The following FAM76B variants were observed in gnomAD, a reference collection of about 807,000 sequenced individuals.
FAM76B encodes family with sequence similarity 76 member B.
A neutral mutation model predicts 51.8 loss-of-function variants in FAM76B; 16 were observed. The observed-to-expected ratio is 0.31, with a 90% CI of 0.21 to 0.47. The LOEUF is 0.47. Ranked by LOEUF, FAM76B falls within the 20% of genes least tolerant of loss-of-function variation. The pLI is 1.00. For synonymous variants in FAM76B, 166 were observed against 129.5 expected, an observed-to-expected ratio of 1.28 and a Z score of -1.91; for missense variants, 342 against 392.6, an observed-to-expected ratio of 0.87 and a Z score of 1.09.
intron 5 of FAM76B, among the ~76,000 whole-genome samples, chr11:95,781,552 C>CT (rs1860269694): frequency 1.3e-5 from 2 of 152,056 alleles, no homozygotes; most frequent in African/African-American, 4.8e-5. Context: ...CAAACATAAT[C>CT]TGATTGTGTC....
At chr11:95,785,741 C>A (rs1860535685) in intron 4 of FAM76B, among the ~76,000 whole-genome samples, 1 of 152,142 alleles carries the variant, frequency 6.6e-6, no homozygotes, top group Admixed American at 6.5e-5. Context: ...GAGCCTTTAT[C>A]AAAAGGCACA....
chr11:95,782,722 C>T (rs936567714), intron 5 of FAM76B, among the ~76,000 whole-genome samples: 1 of 152,008 alleles, frequency 6.6e-6, no homozygotes, highest in African/African-American at 2.4e-5. Context: ...TATAATTTTT[C>T]AAATAAAACC....
At chr11:95,779,356 T>A (rs942180164) in intron 7 of FAM76B, 4 of 523,910 alleles carry the variant, frequency 7.6e-6, no homozygotes, top group Non-Finnish European at 9.7e-6. Flanking sequence ...ATAAAAATAA[T>A]GTTCTCCATT....
chr11:95,788,047 G>A (rs1251623436), intron 2 of FAM76B, among the ~76,000 whole-genome samples: 1 of 152,042 alleles, frequency 6.6e-6, no homozygotes, highest in Admixed American at 6.5e-5. Context: ...GAAATTATTT[G>A]TTCTTTTCTG....
intron 2 of FAM76B, 118 bp from the exon 3 acceptor site, chr11:95,787,796 A>AT: frequency 5.1e-6 from 4 of 783,202 alleles, no homozygotes; most frequent in South Asian, 3.6e-5. Flanking sequence ...AGGACCACGG[A>AT]TTTTTTTCAA....
chr11:95,780,585 A>C (rs117860119), intron 5 of FAM76B, among the ~76,000 whole-genome samples: 1 of 151,998 alleles, frequency 6.6e-6, no homozygotes, highest in African/African-American at 2.4e-5. Flanking sequence ...TTTATAATTC[A>C]TCATGAATCC....
At position 95,789,501 on chromosome 11, in the gene FAM76B, C is replaced by T; in HGVS notation, c.-23G>A. The T allele has an allele frequency of 6.3e-7, 1 of 1,575,252 alleles. No individual in the cohort carries two copies. The highest frequency in any genetic ancestry group is 8.6e-7 in the Non-Finnish European group (1 of 1,161,114). ...CATCCTGCTCCTCAGTCTCCTCCTCCGCCGCCGCCCGCTCCGAGGCGGGGC... is the reference window on the plus strand; with the variant it reads ...CATCCTGCTCCTCAGTCTCCTCCTCTGCCGCCGCCCGCTCCGAGGCGGGGC... On this transcript the variant is annotated 5_prime_UTR_variant, in exon 1 of 10. Transcript: ENST00000358780.
intron 4 of FAM76B, 85 bp from the exon 5 acceptor site, chr11:95,783,349 C>T: frequency 8.7e-7 from 1 of 1,147,758 alleles, no homozygotes; most frequent in Non-Finnish European, 1.3e-6. Context: ...TCAACTTCCA[C>T]CTATATTCCA....
chr11:95,788,501 C>T lies in FAM76B; in HGVS notation c.150G>A (p.Glu50=), dbSNP rs368976517. ...CTYCRSEFQQ[E]SKTNTICKKC... is the part of the protein sequence containing the mutation. ...CAAAAACTATTCAGTATACAAACCT[C>T]TCTTGTTGAAATTCTGATCTGCAGT... The change falls in exon 2 of 10, where the codon GAG becomes GAA. Residue 50 remains glutamate (E), a splice_region_variant and synonymous_variant. Transcript: ENST00000358780. 1.6e-5 allele frequency: 26 copies of T among 1,611,318 alleles called. No homozygotes were observed. In the African/African-American group the frequency reaches 3.5e-4, roughly 22 times the overall value.
chr11:95,787,767 T>C, intron 2 of FAM76B, 89 bp from the exon 3 acceptor site: 1 of 1,157,292 alleles, frequency 8.6e-7, no homozygotes, highest in Non-Finnish European at 1.2e-6. Flanking sequence ...AAAGATTTGT[T>C]GTACTTAAAA....
chr11:95,771,229 T>C lies in FAM76B; in HGVS notation c.*332A>G, dbSNP rs1859752027. 1 of 157,986 alleles carries C rather than the reference T, an allele frequency of 6.3e-6. No individual in the cohort carries two copies. The highest frequency in any genetic ancestry group is 1.4e-5 in the Non-Finnish European group (1 of 71,692). The allele number at this position is 157,986 out of a possible 1,614,324, so 9.8% of individuals were successfully genotyped here. A position where few individuals can be genotyped will look rare whatever the true frequency, so the allele number is the denominator to read the frequency against. ...ACAAAACAAAAAAACCCTGCTGCTC[T>C]GACTTCTGAAACCATACCTACTCTA... is the stretch of plus-strand genomic sequence containing the variant. On this transcript the variant is annotated 3_prime_UTR_variant, in exon 10 of 10. Transcript: ENST00000358780.
intron 3 of FAM76B, chr11:95,786,494 CG>C (rs1274891130): frequency 2.4e-6 from 1 of 424,672 alleles, no homozygotes; most frequent in Non-Finnish European, 4.1e-6. Context: ...ACTCTAAGAT[CG>C]TGAGAAATAG....
At chr11:95,775,012 AAAAC>A (rs1859933488) in intron 9 of FAM76B, among the ~76,000 whole-genome samples, 1 of 151,262 alleles carries the variant, frequency 6.6e-6, no homozygotes. Context: ...TGAAAAAAAA[AAAAC>A]AAAATGAAAC....
At chr11:95,776,848 C>G (rs1203320150) in intron 8 of FAM76B, among the ~76,000 whole-genome samples, 5 of 150,954 alleles carry the variant, frequency 3.3e-5, no homozygotes, top group African/African-American at 1.2e-4. Flanking sequence ...ACACATTCTC[C>G]TTTGTAATTA....
chr11:95,776,030 G>A lies in FAM76B; in HGVS notation c.829-7C>T, dbSNP rs374125053. ...CTGCCTTTAGTTCAGTTAACTGAGA[G>A]ATTAAAGAAAAAATATATGTATATA... On this transcript the variant is annotated splice_polypyrimidine_tract_variant and splice_region_variant and intron_variant, in intron 8 of 9. Transcript: ENST00000358780. The A allele has an allele frequency of 2.6e-6, 4 of 1,532,846 alleles. No homozygotes were observed. The highest frequency in any genetic ancestry group is 1.4e-5 in the African/African-American group (1 of 70,898). The allele number at this position is 1,532,846 out of a possible 1,614,324, so 95.0% of individuals were successfully genotyped here. A position where few individuals can be genotyped will look rare whatever the true frequency, so the allele number is the denominator to read the frequency against.
intron 4 of FAM76B, among the ~76,000 whole-genome samples, chr11:95,784,745 G>A (rs948699559): frequency 2.6e-5 from 4 of 151,936 alleles, no homozygotes; most frequent in Admixed American, 1.3e-4. Context: ...CTGCCACCAT[G>A]CCCAGCTAAT....
At chr11:95,786,853 T>C (rs1021364923) in intron 3 of FAM76B, 7 of 152,350 alleles carry the variant, frequency 4.6e-5, no homozygotes, top group Admixed American at 2.0e-4. Context: ...GTTAGCATTT[T>C]TGACCAATAA....
intron 4 of FAM76B, among the ~76,000 whole-genome samples, chr11:95,785,070 A>T (rs1860489390): frequency 6.6e-6 from 1 of 152,228 alleles, no homozygotes; most frequent in Non-Finnish European, 1.5e-5. Context: ...AGTCAACCTT[A>T]GTCTAAAAAT....
At chr11:95,782,920 G>A in intron 5 of FAM76B, 145 bp downstream of exon 5, 1 of 964,810 alleles carries the variant, frequency 1.0e-6, no homozygotes, top group Non-Finnish European at 1.5e-6. Flanking sequence ...ATAAAATGGA[G>A]ACACAGCCTT....
Sources: gnomAD v4.1 joint callset for allele counts (sites outside exome capture counted in the v4.1 genomes callset) on GRCh38, gnomAD v4.1.1 for gene constraint, MANE v1.5 for transcripts, NCBI Gene and HGNC (gene_info 2026-07-23, HGNC 2026-07-21) for gene names.